Variants in TMEM132B observed in about 807,000 individuals in gnomAD.
TMEM132B encodes transmembrane protein 132B.
A neutral mutation model predicts 90.8 loss-of-function variants in TMEM132B; 18 were observed. The observed-to-expected ratio is 0.20, with a 90% confidence interval of 0.14 to 0.29. TMEM132B has a LOEUF of 0.29. Ranked by LOEUF, TMEM132B falls within the 10% of genes least tolerant of loss-of-function variation. The pLI, the probability that TMEM132B is intolerant of heterozygous loss-of-function variation, is 1.00. For synonymous variants in TMEM132B, 504 were observed against 523.3 expected (o/e 0.96, Z 0.50); for missense variants, 1,096 against 1,326.8 (o/e 0.83, Z 2.70).
At position 125,247,222 on chromosome 12, in the gene TMEM132B, A is replaced by G. The variant is rs563597759; in HGVS notation, c.67+60356A>G. Among the ~76,000 whole-genome samples the G allele has an allele frequency of 2.1e-4, 32 of 152,318 alleles. 1 individual carries two copies. Among genetic ancestry groups the G allele is most frequent in the African/African-American group, 5.5e-4 (23 of 41,576 alleles). ...CTGGAGTTGTTCAGAACAATCCTAA[A>G]AGGCTTCTTACTTGTATGAGACACA... is the stretch of plus-strand genomic sequence containing the variant. On this transcript the variant is annotated intron_variant, in intron 1 of 8. Coordinates refer to ENST00000682704, the MANE Select transcript of TMEM132B (RefSeq NM_001366854.1).
chr12:125,499,953 A>C (rs1421236129), intron 3 of TMEM132B, among the ~76,000 whole-genome samples: 2 of 152,076 alleles, frequency 1.3e-5, no homozygotes, highest in Admixed American at 1.3e-4. Context: ...CTATGTGACC[A>C]TCTCACCTCA....
At position 125,608,613 on chromosome 12, in the gene TMEM132B, T is replaced by G. The variant is rs1002218126; in HGVS notation, c.1437+24619T>G. Among the ~76,000 whole-genome samples, 5 of 152,366 alleles carry G rather than the reference T, an allele frequency of 3.3e-5. No homozygotes were observed. In the South Asian group the frequency reaches 1.0e-3, roughly 32 times the overall value. ...AACCAATTAACTTTTTATTCAATTG[T>G]ACTTTTGATGTAATATCTATGAAAC... On this transcript the variant is annotated intron_variant, in intron 5 of 8. Coordinates refer to ENST00000682704, the MANE Select transcript of TMEM132B (RefSeq NM_001366854.1).
At chr12:125,342,172 C>T (rs1007720178) in intron 1 of TMEM132B, among the ~76,000 whole-genome samples, 3 of 152,168 alleles carry the variant, frequency 2.0e-5, no homozygotes, top group African/African-American at 7.2e-5. Flanking sequence ...TTACCTTATA[C>T]ACCGCTCTAG....
intron 1 of TMEM132B, among the ~76,000 whole-genome samples, chr12:125,225,229 T>C (rs1018153328): frequency 6.6e-6 from 1 of 152,248 alleles, no homozygotes; most frequent in Admixed American, 6.5e-5. Flanking sequence ...ATGGTGTAAC[T>C]TCCCTGGGCT....
Position 125,653,632 on chromosome 12 carries a change from C to T in TMEM132B, c.2174C>T (p.Pro725Leu). ...GTGACACCTTTAGACATTTACGATC[C>T]TAAGGATTATTCTGTTACTGTCTCA... ...GSVTPLDIYD[P>L]KDYSVTVSSL... The change falls in exon 9 of 9, where the codon CCT (proline) becomes CTT (leucine). Residue 725 changes from proline to leucine, a missense_variant. By Grantham distance (98) the Pro-to-Leu change is moderately conservative (BLOSUM62 -3). Coordinates refer to ENST00000682704, the MANE Select transcript of TMEM132B (RefSeq NM_001366854.1). 6.2e-7 allele frequency: 1 copy of T among 1,614,138 alleles called. No individual in the cohort carries two copies. Among genetic ancestry groups the T allele is most frequent in the East Asian group, 2.2e-5 (1 of 44,876 alleles).
At chr12:125,437,038 C>T (rs1880727845) in intron 3 of TMEM132B, among the ~76,000 whole-genome samples, 1 of 152,158 alleles carries the variant, frequency 6.6e-6, no homozygotes, top group Admixed American at 6.5e-5. Context: ...AGGGCCATAC[C>T]ACACCCTTGT....
chr12:125,350,483 G>T, intron 2 of TMEM132B, 140 bp downstream of exon 2: 4 of 1,006,632 alleles, frequency 4.0e-6, no homozygotes, highest in Non-Finnish European at 5.8e-6. Context: ...GGTGAAAACA[G>T]ATTTTATTCA....
intron 3 of TMEM132B, among the ~76,000 whole-genome samples, chr12:125,426,231 C>T (rs1158516590): frequency 1.3e-5 from 2 of 152,014 alleles, no homozygotes; most frequent in Non-Finnish European, 2.9e-5. Flanking sequence ...TGCTTATTGC[C>T]GTCTATATAT....
At chr12:125,477,181 A>C (rs1346798829) in intron 3 of TMEM132B, among the ~76,000 whole-genome samples, 2 of 152,018 alleles carry the variant, frequency 1.3e-5, no homozygotes, top group East Asian at 3.8e-4. Context: ...TTTACTTCTC[A>C]CTGGGTTTTG....
rs572163985 is a variant in TMEM132B at position 125,625,667 on chromosome 12, G to A, written c.1438-18409G>A. Reference sequence around the variant, plus strand: ...TGCAAACGTGTTCTCAGTTCACCTAGATGTGAGATTAATGGATCATTTAGT... The same window carrying A: ...TGCAAACGTGTTCTCAGTTCACCTAAATGTGAGATTAATGGATCATTTAGT... On this transcript the variant is annotated intron_variant, in intron 5 of 8. Transcript: ENST00000682704. Among the ~76,000 whole-genome samples the A allele has an allele frequency of 9.2e-5, 14 of 152,324 alleles. No individual in the cohort carries two copies. In the South Asian group the frequency reaches 2.7e-3, roughly 29 times the overall value.
At chr12:125,224,922 T>C (rs575557072) in intron 1 of TMEM132B, among the ~76,000 whole-genome samples, 24 of 152,358 alleles carry the variant, frequency 1.6e-4, no homozygotes, top group African/African-American at 5.8e-4. Context: ...ACACACTTTT[T>C]TGCATTCTTT....
At chr12:125,230,053 G>C (rs1384069504) in intron 1 of TMEM132B, among the ~76,000 whole-genome samples, 1 of 152,226 alleles carries the variant, frequency 6.6e-6, no homozygotes, top group Non-Finnish European at 1.5e-5. Flanking sequence ...ACAGGGCGGA[G>C]GATGGTTCCT....
At chr12:125,346,493 G>A (rs545140142) in intron 1 of TMEM132B, among the ~76,000 whole-genome samples, 2 of 152,320 alleles carry the variant, frequency 1.3e-5, no homozygotes, top group South Asian at 4.1e-4. Context: ...TGCTGACGGT[G>A]TTCCTGTTGC....
intron 4 of TMEM132B, among the ~76,000 whole-genome samples, chr12:125,559,844 A>G (rs1884476464): frequency 6.6e-6 from 1 of 152,166 alleles, no homozygotes; most frequent in Admixed American, 6.5e-5. Flanking sequence ...TCCATGTTAA[A>G]TGAGGCGGTG....
intron 3 of TMEM132B, among the ~76,000 whole-genome samples, chr12:125,429,049 T>G (rs2136394410): frequency 6.6e-6 from 1 of 152,308 alleles, no homozygotes; most frequent in Non-Finnish European, 1.5e-5. Flanking sequence ...CTACAGGGAT[T>G]TCTTGTATTA....
intron 3 of TMEM132B, among the ~76,000 whole-genome samples, chr12:125,517,520 G>T (rs1454588624): frequency 6.6e-6 from 1 of 151,894 alleles, no homozygotes; most frequent in Non-Finnish European, 1.5e-5. Flanking sequence ...AAAACAACTT[G>T]TACCAATGGA....
chr12:125,188,094 A>G (rs1287182000), intron 1 of TMEM132B, among the ~76,000 whole-genome samples: 1 of 152,178 alleles, frequency 6.6e-6, no homozygotes, highest in Non-Finnish European at 1.5e-5. Context: ...GCATGGAAAA[A>G]GTCAGTGTCG....
intron 5 of TMEM132B, among the ~76,000 whole-genome samples, chr12:125,621,377 TG>T (rs1383155312): frequency 6.6e-6 from 1 of 152,096 alleles, no homozygotes; most frequent in Non-Finnish European, 1.5e-5. Flanking sequence ...TAAGGAATGA[TG>T]ATCTCTTTGA....
intron 2 of TMEM132B, among the ~76,000 whole-genome samples, chr12:125,361,971 A>G (rs1286222095): frequency 6.6e-6 from 1 of 152,128 alleles, no homozygotes; most frequent in South Asian, 2.1e-4. Context: ...CTTAGTGAAC[A>G]CTTAGTTTGT....
Sources: gnomAD v4.1 joint callset for allele counts (sites outside exome capture counted in the v4.1 genomes callset) on GRCh38, gnomAD v4.1.1 for gene constraint, MANE v1.5 for transcripts, NCBI Gene and HGNC (gene_info 2026-07-23, HGNC 2026-07-21) for gene names.